HIVEP1: variants seen among roughly 807,000 people sequenced by gnomAD.
HIVEP1 encodes zinc finger protein 40.
A neutral mutation model predicts 180.0 loss-of-function variants in HIVEP1; 36 were observed. The ratio of observed to expected loss-of-function variants is 0.20; its 90% confidence interval spans 0.15 to 0.26. The LOEUF is 0.26. Among genes scored for constraint, HIVEP1 ranks in the 10% least tolerant of loss-of-function variants. The pLI is 1.00. For synonymous variants in HIVEP1, 1,239 were observed against 1,239.0 expected, an observed-to-expected ratio of 1.00 and a Z score of 0.00; for missense variants, 3,143 against 3,268.7, an observed-to-expected ratio of 0.96 and a Z score of 0.94.
chr6:12,131,013 C>T, intron 6 of HIVEP1, 71 bp downstream of exon 6: 2 of 1,123,116 alleles, frequency 1.8e-6, no homozygotes, highest in Non-Finnish European at 2.5e-6. Flanking sequence ...CCCAACTGTG[C>T]GTTTTCTTTG....
the HIVEP1 span, among the ~76,000 whole-genome samples, chr6:12,201,547 A>G: frequency 0.26 from 39,150 of 152,054 alleles, 5,262 homozygotes; most frequent in East Asian, 0.5. Context: ...CACGGTCTGT[A>G]GTATTGGAGA....
chr6:12,170,614 C>G, the HIVEP1 span, among the ~76,000 whole-genome samples: 8 of 152,130 alleles, frequency 5.3e-5, no homozygotes, highest in African/African-American at 1.9e-4. Context: ...CGTGAAAGGG[C>G]ATTGAGACCA....
At chr6:12,032,371 T>C (rs2113645695) in intron 2 of HIVEP1, among the ~76,000 whole-genome samples, 1 of 152,208 alleles carries the variant, frequency 6.6e-6, no homozygotes, top group South Asian at 2.1e-4. Context: ...CTCGATTTCC[T>C]GACCTTGTGA....
chr6:12,055,543 C>T (rs977197524), intron 2 of HIVEP1, among the ~76,000 whole-genome samples: 3 of 152,164 alleles, frequency 2.0e-5, no homozygotes, highest in African/African-American at 7.2e-5. Flanking sequence ...CACAATGCCT[C>T]ATCTGACCAG....
At chr6:12,038,729 C>A in intron 2 of HIVEP1, 1 of 152,384 alleles carries the variant, frequency 6.6e-6, no homozygotes, top group Non-Finnish European at 1.5e-5. Flanking sequence ...AACAAAGAAC[C>A]ACCACCACCA....
the HIVEP1 span, among the ~76,000 whole-genome samples, chr6:12,189,986 G>GTGTTT: frequency 6.6e-6 from 1 of 152,196 alleles, no homozygotes; most frequent in Non-Finnish European, 1.5e-5. Context: ...GTGTTGTGTT[G>GTGTTT]TATTGATATG....
the HIVEP1 span, among the ~76,000 whole-genome samples, chr6:12,174,995 G>A: frequency 1.3e-5 from 2 of 152,152 alleles, no homozygotes; most frequent in Non-Finnish European, 2.9e-5. Flanking sequence ...ATGAACATAA[G>A]TTCAATCTCT....
Position 12,116,451 on chromosome 6 carries a change from A to G in HIVEP1, c.95-3439A>G, listed in dbSNP as rs150307239. Among the ~76,000 whole-genome samples the G allele has an allele frequency of 3.3e-3, 496 of 152,226 alleles. 3 individuals are homozygous for G. Among genetic ancestry groups the G allele is most frequent in the Non-Finnish European group, 4.6e-3 (314 of 68,006 alleles). On this transcript the variant is annotated intron_variant, in intron 3 of 8. Transcript: ENST00000379388. ...GCACCTTGCTTTCACTTCCACCTCT[A>G]AAATGATAGTGCAGTATTCTTCTCA...
At chr6:12,155,982 A>G (rs1760013926) in intron 7 of HIVEP1, among the ~76,000 whole-genome samples, 1 of 151,974 alleles carries the variant, frequency 6.6e-6, no homozygotes, top group Non-Finnish European at 1.5e-5. Context: ...TGTGGTTTTG[A>G]TTTGCATTTC....
chr6:12,180,355 A>G, the HIVEP1 span, among the ~76,000 whole-genome samples: 1 of 152,352 alleles, frequency 6.6e-6, no homozygotes, highest in South Asian at 2.1e-4. Context: ...CTCGGCATAT[A>G]CATTTGCAGC....
rs148584329 is a variant in HIVEP1 at position 12,161,687 on chromosome 6, A to G, written c.6736A>G (p.Met2246Val). ...DCFSGVHTDP[M>V]DVLPRALLTR... The stretch of plus-strand genomic sequence containing the variant: ...CTTTTCTGGGGTACACACGGACCCA[A>G]TGGACGTTCTGCCCAGGGCGCTGCT... The change falls in exon 8 of 9, where the codon ATG becomes GTG. Residue 2246 changes from methionine (M) to valine (V), a missense_variant. Around this residue, in one of 12 missense-constraint regions of HIVEP1, gnomAD observed 595 missense variants for 602.2 expected, o/e 0.99. Transcript: ENST00000379388. The G allele has an allele frequency of 3.7e-5, 59 of 1,614,170 alleles. 1 individual carries two copies. Among genetic ancestry groups the G allele is most frequent in the East Asian group, 6.7e-5 (3 of 44,860 alleles).
intron 4 of HIVEP1, among the ~76,000 whole-genome samples, chr6:12,126,255 A>G (rs1351092541): frequency 6.6e-6 from 1 of 152,230 alleles, no homozygotes; most frequent in Non-Finnish European, 1.5e-5. Flanking sequence ...CTCCTCATGC[A>G]GGGAAACAGG....
the HIVEP1 span, among the ~76,000 whole-genome samples, chr6:12,210,675 G>C: frequency 6.6e-6 from 1 of 152,158 alleles, no homozygotes. Context: ...TGAATAATTT[G>C]AAGGGGGGAA....
chr6:12,099,726 A>G (rs990092228), intron 3 of HIVEP1, among the ~76,000 whole-genome samples: 1 of 152,040 alleles, frequency 6.6e-6, no homozygotes. Flanking sequence ...GCATTTGACA[A>G]ATGTTTATTG....
rs1453802556 is a variant in HIVEP1 at position 12,164,973 on chromosome 6, T to C, written c.*512T>C. ...CAGATTTTCTGTGTTATGAAATGTT[T>C]CAGTAAAATATTGTTTACTGACTTT... is the stretch of plus-strand genomic sequence containing the variant. On this transcript the variant is annotated 3_prime_UTR_variant, in exon 9 of 9. Transcript: ENST00000379388. 8.8e-6 allele frequency: 3 copies of C among 340,030 alleles called. No individual in the cohort carries two copies. The highest frequency in any genetic ancestry group is 1.7e-5 in the Non-Finnish European group (3 of 175,952). The allele number at this position is 340,030 out of a possible 1,614,324, so 21.1% of individuals were successfully genotyped here.
chr6:12,112,922 C>T (rs1039616112), intron 3 of HIVEP1, among the ~76,000 whole-genome samples: 2 of 152,130 alleles, frequency 1.3e-5, no homozygotes, highest in Admixed American at 6.6e-5. Flanking sequence ...CTTCTCCCGG[C>T]TGCAGGGTGT....
chr6:12,093,150 T>G (rs114878775), intron 3 of HIVEP1, among the ~76,000 whole-genome samples: 1,925 of 152,298 alleles, frequency 0.013, 42 homozygotes, highest in African/African-American at 0.043. Flanking sequence ...GCAAATGGCC[T>G]CCTGCTTATT....
At chr6:12,160,366 TCA>T (rs1177851202) in intron 7 of HIVEP1, among the ~76,000 whole-genome samples, 2 of 152,216 alleles carry the variant, frequency 1.3e-5, no homozygotes, top group Non-Finnish European at 2.9e-5. Context: ...TTGAATCATA[TCA>T]CAGAAGAAAT....
chr6:12,121,558 C>T lies in HIVEP1; in HGVS notation c.1763C>T (p.Ser588Phe). The T allele has an allele frequency of 1.9e-6, 3 of 1,614,158 alleles. No homozygotes were observed. The highest frequency in any genetic ancestry group is 1.7e-6 in the Non-Finnish European group (2 of 1,180,024). Residue 588 changes from serine (S) to phenylalanine (F), a missense_variant, in exon 4 of 9, where the codon TCT (serine) becomes TTT (phenylalanine). Ser to Phe is a radical substitution (Grantham distance 155, BLOSUM62 -2). Around this residue, in one of 12 missense-constraint regions of HIVEP1, gnomAD observed 365 missense variants for 344.4 expected, o/e 1.06. Coordinates refer to ENST00000379388, the MANE Select transcript of HIVEP1 (RefSeq NM_002114.4). The surrounding 1 kb of genome is among the most constrained non-coding windows in gnomAD (Gnocchi z 5.3). ...GCCATGGATCCCAAGCCTGAACTTT[C>T]TAGTGCACAAAAGCAGAAGGACCTT... The part of the protein sequence containing the change: ...PKAMDPKPEL[S>F]SAQKQKDLQV...
Sources: allele counts gnomAD v4.1 joint callset (sites outside exome capture counted in the v4.1 genomes callset), GRCh38; gene constraint gnomAD v4.1.1; regional missense constraint gnomAD v4.1.1; non-coding constraint Gnocchi (gnomAD v3.1); transcripts MANE v1.5; gene names NCBI Gene and HGNC (gene_info 2026-07-23, HGNC 2026-07-21).